MLXIPL: variants seen among roughly 807,000 people sequenced by gnomAD.
The protein encoded by MLXIPL is MLX interacting protein like, also known as carbohydrate-responsive element-binding protein.
In MLXIPL, 49 loss-of-function variants were observed where a neutral mutation model predicts 81.5. That is an observed-to-expected ratio of 0.60 (90% CI 0.48 to 0.76). The LOEUF is 0.76. Among genes scored for constraint, MLXIPL ranks in the 30% least tolerant of loss-of-function variants. The pLI is 0.00. For missense variants in MLXIPL, 1,053 were observed against 1,167.0 expected (o/e 0.90, Z 1.42); for synonymous variants, 466 against 485.5 (o/e 0.96, Z 0.53).
At chr7:73,598,984 C>T (rs922793348) in intron 8 of MLXIPL, among the ~76,000 whole-genome samples, 6 of 151,304 alleles carry the variant, frequency 4.0e-5, no homozygotes, top group African/African-American at 1.2e-4. Context: ...CCGGAAATCG[C>T]TTGAACACGG....
At chr7:73,599,787 C>A (rs537563494) in intron 7 of MLXIPL, 92 bp from the exon 8 acceptor site, 4 of 1,294,318 alleles carry the variant, frequency 3.1e-6, no homozygotes, top group Admixed American at 4.4e-5. Flanking sequence ...CCAGCCTTGG[C>A]GGGTGGGGAC....
chr7:73,615,339 C>T (rs1388093853), intron 2 of MLXIPL, among the ~76,000 whole-genome samples: 1 of 152,126 alleles, frequency 6.6e-6, no homozygotes, highest in African/African-American at 2.4e-5. Context: ...GAGACCCATG[C>T]GGGATCCTCA....
Position 73,597,704 on chromosome 7 carries a change from T to C in MLXIPL, c.1081A>G (p.Ser361Gly). The C allele has an allele frequency of 1.5e-6, 2 of 1,346,266 alleles. No homozygotes were observed. The highest frequency in any genetic ancestry group is 2.7e-5 in the East Asian group (1 of 36,676). 83.4% of individuals were successfully genotyped at this position (1,346,266 alleles called of 1,614,324 possible). Residue 361 changes from serine (S) to glycine (G), a missense_variant, in exon 9 of 17, where the codon AGC (serine) becomes GGC (glycine). By Grantham distance (56) the Ser-to-Gly change is moderately conservative. This residue lies in a region of MLXIPL where 823 missense variants were observed against 933.0 expected (regional missense o/e 0.88). Transcript: ENST00000313375. ...SGHSRLQARN[S>G]CPGPLDSSAF... ...CTGGAGTCCAAGGGGCCAGGGCAGCTGTTCCGAGCCTGGTTGGGGGGACAG... is the reference window on the plus strand; with the variant it reads ...CTGGAGTCCAAGGGGCCAGGGCAGCCGTTCCGAGCCTGGTTGGGGGGACAG...
chr7:73,629,628 G>A, the MLXIPL span, among the ~76,000 whole-genome samples: 1 of 152,176 alleles, frequency 6.6e-6, no homozygotes, highest in East Asian at 1.9e-4. Flanking sequence ...GGGAGGCTGA[G>A]GTGAGAGGAT....
the MLXIPL span, among the ~76,000 whole-genome samples, chr7:73,639,709 TA>T: frequency 6.6e-6 from 1 of 152,166 alleles, no homozygotes; most frequent in African/African-American, 2.4e-5. Context: ...CAGCTCTCAT[TA>T]TTATTATAGG....
chr7:73,607,316 C>A lies in MLXIPL; in HGVS notation c.573+15G>T, dbSNP rs1554598531. On this transcript the variant is annotated intron_variant, in intron 4 of 16. Coordinates refer to ENST00000313375, the MANE Select transcript of MLXIPL (RefSeq NM_032951.3). ...GAGGAAAGCTCTGGGGCCTCCCTGG[C>A]CCTCCCCCACTGACCCGCTTCTTGT... 6.4e-7 allele frequency: 1 copy of A among 1,556,844 alleles called. No individual in the cohort carries two copies. The highest frequency in any genetic ancestry group is 2.4e-5 in the East Asian group (1 of 41,650).
intron 7 of MLXIPL, among the ~76,000 whole-genome samples, chr7:73,602,279 C>T (rs1340876762): frequency 1.3e-4 from 19 of 149,284 alleles, no homozygotes; most frequent in African/African-American, 2.7e-4. Flanking sequence ...TACAGTGGCA[C>T]GATCTCGGCT....
chr7:73,621,052 A>AAAAT (rs4027532), intron 1 of MLXIPL, among the ~76,000 whole-genome samples: 7,886 of 148,704 alleles, frequency 0.053, 224 homozygotes, highest in Non-Finnish European at 0.061. Flanking sequence ...TCTGTCTCCA[A>AAAAT]AAATAAATAA....
At chr7:73,637,667 C>T in the MLXIPL span, among the ~76,000 whole-genome samples, 2 of 152,022 alleles carry the variant, frequency 1.3e-5, no homozygotes, top group Admixed American at 6.6e-5. Context: ...AAGGTTCTTA[C>T]TGATGGTAGA....
chr7:73,595,091 C>A (rs1250670800), intron 15 of MLXIPL, among the ~76,000 whole-genome samples: 1 of 152,156 alleles, frequency 6.6e-6, no homozygotes. Context: ...AGTGATCCAC[C>A]TGCCTCGGCC....
At position 73,624,473 on chromosome 7, in the gene MLXIPL, C is replaced by T; in HGVS notation, c.20G>A (p.Gly7Asp). The T allele has an allele frequency of 2.0e-6, 3 of 1,533,106 alleles. No individual in the cohort carries two copies. The highest frequency in any genetic ancestry group is 2.6e-6 in the Non-Finnish European group (3 of 1,146,926). 95.0% of individuals were successfully genotyped at this position (1,533,106 alleles called of 1,614,324 possible). A position where few individuals can be genotyped will look rare whatever the true frequency, so the allele number is the denominator to read the frequency against. MAGALA[G>D]LAAGLQVPRV... Reference sequence around the variant, plus strand: ...CGGGACCTGCAAGCCCGCGGCCAGACCTGCCAGCGCGCCGGCCATGGCTGT... The same window carrying T: ...CGGGACCTGCAAGCCCGCGGCCAGATCTGCCAGCGCGCCGGCCATGGCTGT... Residue 7 changes from glycine to aspartate, a missense_variant, in exon 1 of 17, where the codon GGT (glycine) becomes GAT (aspartate). Gly to Asp is a moderately conservative substitution (Grantham distance 94, BLOSUM62 -1). Coordinates refer to ENST00000313375, the MANE Select transcript of MLXIPL (RefSeq NM_032951.3).
chr7:73,604,415 T>C lies in MLXIPL; in HGVS notation c.901+1273A>G, dbSNP rs1444570759. Among the ~76,000 whole-genome samples the C allele has an allele frequency of 3.3e-5, 5 of 149,376 alleles. No homozygotes were observed. The East Asian group carries it at 8.1e-4, about 24-fold the overall frequency. ...AGGGAGGCCCTGTCTCTTCAAAACATAAAAAAAATTAGCCAGGCATAATGG... is the reference window on the plus strand; with the variant it reads ...AGGGAGGCCCTGTCTCTTCAAAACACAAAAAAAATTAGCCAGGCATAATGG... On this transcript the variant is annotated intron_variant, in intron 7 of 16. Transcript: ENST00000313375.
the MLXIPL span, among the ~76,000 whole-genome samples, chr7:73,633,264 A>G: frequency 6.7e-6 from 1 of 149,684 alleles, no homozygotes; most frequent in Non-Finnish European, 1.5e-5. Flanking sequence ...TTCTATTTTT[A>G]GTAGAGACGG....
At chr7:73,615,315 A>G (rs537711579) in intron 2 of MLXIPL, among the ~76,000 whole-genome samples, 1 of 152,292 alleles carries the variant, frequency 6.6e-6, no homozygotes, top group Admixed American at 6.5e-5. Context: ...AAGGACTTCA[A>G]TGAAAGGCTG....
chr7:73,595,125 C>T (rs1230415903), intron 15 of MLXIPL, among the ~76,000 whole-genome samples: 3 of 152,124 alleles, frequency 2.0e-5, no homozygotes, highest in African/African-American at 7.2e-5. Context: ...GGATGACAGG[C>T]GTGAGCCACC....
Position 73,596,489 on chromosome 7 carries a change from GGACA to G in MLXIPL, c.1823-14_1823-11del. 1 of 1,612,718 alleles carries G rather than the reference GGACA, an allele frequency of 6.2e-7. No individual in the cohort carries two copies. Among genetic ancestry groups the G allele is most frequent in the Non-Finnish European group, 8.5e-7 (1 of 1,179,840 alleles). Reference sequence around the variant, plus strand: ...AGCCGCCGTTCACTGCCTGTGGTAGGGACAGACAGACCCACAGAAAGACCGACCC... The same window carrying G: ...AGCCGCCGTTCACTGCCTGTGGTAGGGACAGACCCACAGAAAGACCGACCC... On this transcript the variant is annotated splice_polypyrimidine_tract_variant and intron_variant, in intron 11 of 16. Coordinates refer to ENST00000313375, the MANE Select transcript of MLXIPL (RefSeq NM_032951.3). This position sits in a 1 kb window ranked among gnomAD's most constrained non-coding sequence, Gnocchi z 4.7.
rs1354844684 is a variant in MLXIPL, at chr7:73,623,705, C to T, written c.293+495G>A. On this transcript the variant is annotated intron_variant, in intron 1 of 16. Coordinates refer to ENST00000313375, the MANE Select transcript of MLXIPL (RefSeq NM_032951.3). The surrounding 1 kb of genome is among the most constrained non-coding windows in gnomAD (Gnocchi z 5.7). ...AGTCCACTTTGGTTATGAACTGGGA[C>T]AATCAGGGGCGCTGGGAGTATCTCA... Among the ~76,000 whole-genome samples the T allele has an allele frequency of 6.6e-6, 1 of 151,990 alleles. No individual in the cohort carries two copies. Among genetic ancestry groups the T allele is most frequent in the Non-Finnish European group, 1.5e-5 (1 of 68,006 alleles).
chr7:73,594,028 AG>A, intron 16 of MLXIPL, 45 bp from the exon 17 acceptor site: 1 of 1,552,430 alleles, frequency 6.4e-7, no homozygotes, highest in Non-Finnish European at 8.9e-7. Flanking sequence ...TCCTGGGGTC[AG>A]GGCCCTACCC....
the MLXIPL span, among the ~76,000 whole-genome samples, chr7:73,643,220 A>G: frequency 0.049 from 7,514 of 152,274 alleles, 215 homozygotes; most frequent in Non-Finnish European, 0.064. Flanking sequence ...GCTCAGAGAC[A>G]TGTTTATTTG....
Sources: gnomAD v4.1 joint callset for allele counts (sites outside exome capture counted in the v4.1 genomes callset) on GRCh38, gnomAD v4.1.1 for gene constraint, gnomAD v4.1.1 regional missense constraint, Gnocchi (gnomAD v3.1) non-coding constraint, MANE v1.5 for transcripts, NCBI Gene and HGNC (gene_info 2026-07-23, HGNC 2026-07-21) for gene names.